Variants in SCAPER observed in about 807,000 individuals in gnomAD.
SCAPER encodes the protein S-phase cyclin A associated protein in the ER.
In SCAPER, 98 loss-of-function variants were observed where a neutral mutation model predicts 182.2. The ratio of observed to expected loss-of-function variants is 0.54; its 90% CI spans 0.46 to 0.64. The LOEUF (loss-of-function observed/expected upper bound fraction) is 0.64. Ranked by LOEUF, SCAPER falls within the 30% of genes least tolerant of loss-of-function variation. The pLI, the probability that SCAPER is intolerant of heterozygous loss-of-function variation, is 0.00. For synonymous variants in SCAPER, 605 were observed against 564.6 expected (o/e 1.07, Z -1.01); for missense variants, 1,432 against 1,690.0 (o/e 0.85, Z 2.68).
At chr15:76,475,406 A>C (rs2050548527) in intron 24 of SCAPER, among the ~76,000 whole-genome samples, 1 of 151,890 alleles carries the variant, frequency 6.6e-6, no homozygotes, top group Admixed American at 6.6e-5. Flanking sequence ...AGCTCACTGC[A>C]ACCTCCGCCT....
intron 22 of SCAPER, among the ~76,000 whole-genome samples, chr15:76,579,489 T>G (rs1235930855): frequency 6.6e-6 from 1 of 150,852 alleles, no homozygotes; most frequent in African/African-American, 2.4e-5. Flanking sequence ...AAATATCAAT[T>G]GCAAGCTTCG....
Position 76,348,434 on chromosome 15 carries a change from TA to T in SCAPER, c.*198del, listed in dbSNP as rs1377206642. ...TCCAAGATACTCTGCATAAATGAAA[TA>T]AACTCAACTTGCAAAATTAGCAAGT... On this transcript the variant is annotated 3_prime_UTR_variant, in exon 32 of 32. Transcript: ENST00000563290. 2 of 404,310 alleles carry T rather than the reference TA, an allele frequency of 4.9e-6. No homozygotes were observed. The highest frequency in any genetic ancestry group is 9.0e-6 in the Non-Finnish European group (2 of 221,772). The allele number at this position is 404,310 out of a possible 1,614,324, so 25.0% of individuals were successfully genotyped here. A position where few individuals can be genotyped will look rare whatever the true frequency, so the allele number is the denominator to read the frequency against.
intron 25 of SCAPER, among the ~76,000 whole-genome samples, chr15:76,457,710 C>T (rs972500052): frequency 4.6e-5 from 7 of 152,110 alleles, no homozygotes; most frequent in Admixed American, 1.3e-4. Flanking sequence ...ATATGCAGTA[C>T]ACTTTACATA....
chr15:76,713,745 A>AT (rs1308524842), intron 17 of SCAPER, among the ~76,000 whole-genome samples: 2 of 152,006 alleles, frequency 1.3e-5, no homozygotes, highest in African/African-American at 4.8e-5. Flanking sequence ...TAACCTGCAC[A>AT]TTGTGCACAT....
intron 23 of SCAPER, among the ~76,000 whole-genome samples, chr15:76,539,339 A>G (rs1009836073): frequency 2.6e-5 from 4 of 152,184 alleles, no homozygotes; most frequent in South Asian, 4.1e-4. Context: ...GAAGAGAATC[A>G]TTCACAAAGA....
rs1349367121 is a variant in SCAPER, at chr15:76,603,249, T to C, written c.2711+18515A>G. 1.1e-4 allele frequency among the ~76,000 whole-genome samples: 13 copies of C among 119,232 alleles called. 4 individuals are homozygous for C. Among genetic ancestry groups the C allele is most frequent in the Non-Finnish European group, 1.8e-4 (9 of 49,370 alleles). The allele number at this position is 119,232 out of a possible 152,430, so 78.2% of individuals were successfully genotyped here. On this transcript the variant is annotated intron_variant, in intron 22 of 31. Coordinates refer to ENST00000563290, the MANE Select transcript of SCAPER (RefSeq NM_020843.4). ...CCCTTCCTGTGTCCATGTGTTCTCA[T>C]TGTTCAATTCCCACCTATGAGCGAG...
intron 23 of SCAPER, among the ~76,000 whole-genome samples, chr15:76,527,751 G>A (rs2043313334): frequency 6.6e-6 from 1 of 152,120 alleles, no homozygotes; most frequent in South Asian, 2.1e-4. Context: ...ACTATTTGGT[G>A]TTTATATTCA....
intron 26 of SCAPER, 41 bp downstream of exon 26, chr15:76,434,037 C>G (rs1231923308): frequency 6.6e-7 from 1 of 1,519,306 alleles, no homozygotes; most frequent in East Asian, 2.3e-5. Flanking sequence ...AATATAGTTT[C>G]TTAACAAAGA....
chr15:76,427,704 T>C (rs928902403), intron 26 of SCAPER, among the ~76,000 whole-genome samples: 3 of 152,058 alleles, frequency 2.0e-5, no homozygotes, highest in African/African-American at 7.2e-5. Flanking sequence ...AAAAATTAGC[T>C]GGTGGGTCAC....
At chr15:76,402,625 G>A (rs1487969130) in intron 27 of SCAPER, among the ~76,000 whole-genome samples, 1 of 152,096 alleles carries the variant, frequency 6.6e-6, no homozygotes, top group Non-Finnish European at 1.5e-5. Context: ...CCTGAGGGCA[G>A]TATCTTTAGT....
intron 10 of SCAPER, 25 bp from the exon 11 acceptor site, chr15:76,767,113 A>G: frequency 6.5e-7 from 1 of 1,534,300 alleles, no homozygotes; most frequent in Non-Finnish European, 8.8e-7. Context: ...ACACATAAAC[A>G]AAAAGAAAAA....
At chr15:76,496,144 C>T (rs755035953) in intron 24 of SCAPER, among the ~76,000 whole-genome samples, 1 of 151,866 alleles carries the variant, frequency 6.6e-6, no homozygotes, top group Non-Finnish European at 1.5e-5. Context: ...TTCTGAACAC[C>T]TTAACCTCAC....
intron 26 of SCAPER, among the ~76,000 whole-genome samples, chr15:76,423,080 T>C (rs1221404275): frequency 6.6e-6 from 1 of 152,204 alleles, no homozygotes; most frequent in Non-Finnish European, 1.5e-5. Flanking sequence ...TCTAAAATTC[T>C]CTTTTTTTGT....
At chr15:76,844,540 C>T (rs1411424242) in intron 4 of SCAPER, among the ~76,000 whole-genome samples, 1 of 152,098 alleles carries the variant, frequency 6.6e-6, no homozygotes, top group Non-Finnish European at 1.5e-5. Flanking sequence ...GACATTACAA[C>T]TGATACCATA....
chr15:76,843,072 A>C lies in SCAPER; in HGVS notation c.196-1141T>G, dbSNP rs557064479. On this transcript the variant is annotated intron_variant, in intron 4 of 31. Transcript: ENST00000563290. ...TTATGAAATTATCAAAACTACTACC[A>C]TTCATCCCTACCTGTTTATGAATTT... Among the ~76,000 whole-genome samples, 4 of 152,332 alleles carry C rather than the reference A, an allele frequency of 2.6e-5. No homozygotes were observed. The South Asian group carries it at 8.3e-4, about 32-fold the overall frequency.
chr15:76,871,423 A>AC (rs2072722043), intron 2 of SCAPER, among the ~76,000 whole-genome samples: 1 of 151,364 alleles, frequency 6.6e-6, no homozygotes, highest in Non-Finnish European at 1.5e-5. Context: ...AAAAAAAAAA[A>AC]AACCTAATAA....
At chr15:76,880,238 T>C (rs2151948776) in intron 2 of SCAPER, among the ~76,000 whole-genome samples, 1 of 152,356 alleles carries the variant, frequency 6.6e-6, no homozygotes, top group Middle Eastern at 3.4e-3. Flanking sequence ...TATGATACTA[T>C]AATTTAATTA....
In SCAPER at chr15:76,466,419, C is replaced by CTCTTCT. The variant is rs754649564; in HGVS notation, c.3078+4792_3078+4793insAGAAGA. Among the ~76,000 whole-genome samples, 97 of 37,424 alleles carry CTCTTCT rather than the reference C, an allele frequency of 2.6e-3. 1 individual carries two copies. Among genetic ancestry groups the CTCTTCT allele is most frequent in the African/African-American group, 7.3e-3 (94 of 12,840 alleles). 24.6% of individuals were successfully genotyped at this position (37,424 alleles called of 152,430 possible). A position where few individuals can be genotyped will look rare whatever the true frequency, so the allele number is the denominator to read the frequency against. On this transcript the variant is annotated intron_variant, in intron 25 of 31. Transcript: ENST00000563290. ...TCAGTTCCAAAATTGGTTGGTTCTT[C>CTCTTCT]TTTTTTTTTTTTTTTTTTTTTTTGT... is the stretch of plus-strand genomic sequence containing the variant.
intron 14 of SCAPER, among the ~76,000 whole-genome samples, chr15:76,760,494 A>G (rs2062711011): frequency 6.6e-6 from 1 of 152,168 alleles, no homozygotes; most frequent in Admixed American, 6.5e-5. Context: ...GAAGCTCCCC[A>G]AAGTCTGTTC....
Sources: allele counts gnomAD v4.1 joint callset (sites outside exome capture counted in the v4.1 genomes callset), GRCh38; gene constraint gnomAD v4.1.1; transcripts MANE v1.5; gene names NCBI Gene and HGNC (gene_info 2026-07-23, HGNC 2026-07-21).